Variants in ROBO2 observed in about 807,000 individuals in gnomAD.
ROBO2 encodes the protein roundabout homolog 2.
ROBO2 carries 53 observed loss-of-function variants against 160.8 expected under a neutral mutation model. That is an observed-to-expected ratio of 0.33 (90% CI 0.26 to 0.41). The LOEUF (loss-of-function observed/expected upper bound fraction) is 0.41. ROBO2 is among the 10% of genes least tolerant of loss of function. ROBO2 has a pLI of 1.00. For synonymous variants in ROBO2, 664 were observed against 611.7 expected (o/e 1.09, Z -1.26); for missense variants, 1,577 against 1,722.4 (o/e 0.92, Z 1.49).
intron 2 of ROBO2, among the ~76,000 whole-genome samples, chr3:77,413,655 G>C (rs116261901): frequency 4.1e-3 from 622 of 152,310 alleles, no homozygotes; most frequent in Non-Finnish European, 7.0e-3. Flanking sequence ...GAGAGGTTAA[G>C]AAGTAATTAG....
chr3:77,481,298 T>G, intron 4 of ROBO2, 79 bp downstream of exon 4: 2 of 1,255,302 alleles, frequency 1.6e-6, no homozygotes, highest in Non-Finnish European at 2.1e-6. Flanking sequence ...CATTAAAAAC[T>G]GGGCCATATA....
At chr3:77,313,886 G>C (rs2063749780) in intron 2 of ROBO2, among the ~76,000 whole-genome samples, 1 of 152,100 alleles carries the variant, frequency 6.6e-6, no homozygotes, top group Non-Finnish European at 1.5e-5. Context: ...CCCTGGCCAG[G>C]ATCAGTGTTT....
At chr3:75,935,902 G>GGATC (rs1947757022) in intron 1 of ROBO2, among the ~76,000 whole-genome samples, 1 of 152,078 alleles carries the variant, frequency 6.6e-6, no homozygotes, top group South Asian at 2.1e-4. Flanking sequence ...GATGACTAGG[G>GGATC]GATCGTGTAG....
intron 2 of ROBO2, among the ~76,000 whole-genome samples, chr3:77,458,312 G>GT (rs541445651): frequency 1.3e-5 from 2 of 152,164 alleles, no homozygotes; most frequent in Non-Finnish European, 2.9e-5. Context: ...TAAGAATTAT[G>GT]TGACTCTGAG....
chr3:76,834,062 T>TTTCTTTC (rs368797764), intron 2 of ROBO2, among the ~76,000 whole-genome samples: 24 of 88,086 alleles, frequency 2.7e-4, no homozygotes, highest in East Asian at 1.1e-3. Context: ...CCTTTCTTTC[T>TTTCTTTC]TTTCTTTCTT....
chr3:76,322,946 C>G (rs1302039242), intron 2 of ROBO2, among the ~76,000 whole-genome samples: 1 of 152,136 alleles, frequency 6.6e-6, no homozygotes, highest in African/African-American at 2.4e-5. Flanking sequence ...CTGCTGACAT[C>G]TCTGCCATTT....
chr3:76,622,191 AAAGGAAGGAAGGAAGGAAGGAAGG>A (rs1163132103), intron 2 of ROBO2, among the ~76,000 whole-genome samples: 1 of 65,894 alleles, frequency 1.5e-5, no homozygotes, highest in African/African-American at 6.2e-5. Context: ...TAAAAAAAAG[AAAGGAAGGAAGGAAGGAAGGAAGG>A]AAGGAAGGAA....
intron 2 of ROBO2, among the ~76,000 whole-genome samples, chr3:77,416,435 G>A (rs374542113): frequency 1.1e-3 from 161 of 152,100 alleles, no homozygotes; most frequent in African/African-American, 3.2e-3. Context: ...TTTATCTGCC[G>A]TGGCCTGGAG....
chr3:76,910,086 G>GT (rs2075870572), intron 2 of ROBO2, among the ~76,000 whole-genome samples: 1 of 152,072 alleles, frequency 6.6e-6, no homozygotes, highest in African/African-American at 2.4e-5. Context: ...GCTGTTACTG[G>GT]TAAAATATAG....
At chr3:76,994,093 T>TA (rs201436467) in intron 2 of ROBO2, among the ~76,000 whole-genome samples, 1 of 101,180 alleles carries the variant, frequency 9.9e-6, no homozygotes. Flanking sequence ...TTTTTTTGTT[T>TA]TTTTTTTTTG....
intron 2 of ROBO2, among the ~76,000 whole-genome samples, chr3:77,239,613 A>T (rs1047089656): frequency 9.2e-5 from 14 of 152,160 alleles, no homozygotes; most frequent in Non-Finnish European, 1.9e-4. Context: ...TGATTGGTCC[A>T]TTTTGACAGG....
chr3:76,441,530 C>T (rs2076926193), intron 2 of ROBO2, among the ~76,000 whole-genome samples: 1 of 152,170 alleles, frequency 6.6e-6, no homozygotes, highest in South Asian at 2.1e-4. Context: ...AGATTGACAA[C>T]CCATGAGTTA....
At position 75,971,294 on chromosome 3, in the gene ROBO2, T is replaced by C. The variant is rs1371530226; in HGVS notation, c.109+33692T>C. On this transcript the variant is annotated intron_variant, in intron 2 of 26. Transcript: ENST00000487694. ...TATATCAAAATATAATAATGAGGTA[T>C]CATCTCTCTCAGAGATCTCTGAACA... is the stretch of plus-strand genomic sequence containing the variant. Among the ~76,000 whole-genome samples the C allele has an allele frequency of 2.0e-5, 3 of 151,540 alleles. No homozygotes were observed. The East Asian group carries it at 5.8e-4, about 30-fold the overall frequency.
chr3:76,778,197 G>T (rs1018200273), intron 2 of ROBO2, among the ~76,000 whole-genome samples: 2 of 151,052 alleles, frequency 1.3e-5, no homozygotes, highest in African/African-American at 4.8e-5. Context: ...GTCCCTGATT[G>T]TATGTGTATC....
intron 2 of ROBO2, among the ~76,000 whole-genome samples, chr3:76,843,330 A>C (rs902305406): frequency 1.3e-5 from 2 of 151,866 alleles, no homozygotes; most frequent in East Asian, 3.9e-4. Context: ...AAGGGTTGAG[A>C]GGGATCATAT....
chr3:75,974,528 A>G (rs994827558), intron 2 of ROBO2, among the ~76,000 whole-genome samples: 2 of 151,770 alleles, frequency 1.3e-5, no homozygotes, highest in Non-Finnish European at 3.0e-5. Flanking sequence ...TTTATCAAAA[A>G]TCTGTCAAAG....
At chr3:76,488,953 G>A in intron 2 of ROBO2, among the ~76,000 whole-genome samples, 1 of 151,648 alleles carries the variant, frequency 6.6e-6, no homozygotes, top group Non-Finnish European at 1.5e-5. Flanking sequence ...TCTTTTTGGT[G>A]AGAGGGCAAA....
rs189891747 is a variant in ROBO2, at chr3:76,397,268, C to T, written c.109+459666C>T. Among the ~76,000 whole-genome samples the T allele has an allele frequency of 2.6e-3, 393 of 152,168 alleles. 3 individuals carry two copies. Among genetic ancestry groups the T allele is most frequent in the African/African-American group, 9.1e-3 (376 of 41,530 alleles). On this transcript the variant is annotated intron_variant, in intron 2 of 26. Transcript: ENST00000487694. ...AATGGTGCTGGGAAAACTGGCTAGC[C>T]ATATGTAGAAAGCTGAAACTGGATC...
chr3:76,421,202 G>C (rs1324487892), intron 2 of ROBO2, among the ~76,000 whole-genome samples: 1 of 152,086 alleles, frequency 6.6e-6, no homozygotes, highest in Admixed American at 6.5e-5. Flanking sequence ...ATTTATAGCT[G>C]GTTGTAACAA....
Sources: gnomAD v4.1 joint callset for allele counts (sites outside exome capture counted in the v4.1 genomes callset) on GRCh38, gnomAD v4.1.1 for gene constraint, MANE v1.5 for transcripts, NCBI Gene and HGNC (gene_info 2026-07-23, HGNC 2026-07-21) for gene names.